The following DENND2B variants were observed in gnomAD, a reference collection of about 807,000 sequenced individuals.
DENND2B encodes DENN domain-containing protein 2B.
Under a neutral mutation model 116.0 loss-of-function variants are expected in DENND2B, and 32 were observed. The ratio of observed to expected loss-of-function variants is 0.28; its 90% CI spans 0.21 to 0.37. The LOEUF (loss-of-function observed/expected upper bound fraction) is 0.37, where lower values mean the gene tolerates loss of function less well. Ranked by LOEUF, DENND2B falls within the 10% of genes least tolerant of loss-of-function variation. DENND2B has a pLI of 1.00. For missense variants in DENND2B, 1,276 were observed against 1,477.7 expected (o/e 0.86, Z 2.24); for synonymous variants, 588 against 583.9 (o/e 1.01, Z -0.10).
intron 4 of DENND2B, 83 bp from the exon 5 acceptor site, chr11:8,717,975 A>C: frequency 6.6e-7 from 1 of 1,505,340 alleles, no homozygotes; most frequent in Non-Finnish European, 9.0e-7. Context: ...AAACAAGCAG[A>C]ATTCCTGTGA....
intron 3 of DENND2B, among the ~76,000 whole-genome samples, chr11:8,729,696 C>A (rs531480777): frequency 6.7e-4 from 102 of 152,320 alleles, no homozygotes; most frequent in African/African-American, 2.4e-3. Context: ...AAAGGCCAAA[C>A]CCAGCCAATA....
chr11:8,892,325 C>T (rs2064044344), intron 1 of DENND2B, among the ~76,000 whole-genome samples: 1 of 152,060 alleles, frequency 6.6e-6, no homozygotes, highest in South Asian at 2.1e-4. Flanking sequence ...CCTAACATCA[C>T]AATTAAAAGA....
rs988515212 is a variant in DENND2B at position 8,717,836 on chromosome 11, C to T, written c.1534G>A (p.Gly512Arg). ...TCAGACAGTTGCTGGGATTTTCGTC[C>T]TGCTCTTCGGCTCTTTAAGTCCACA... ...EDVDLKSRRA[G>R]RKSQQLSENS... Residue 512 changes from glycine to arginine, a missense_variant, in exon 5 of 20, where the codon GGA (glycine) becomes AGA (arginine). Around this residue, in one of 2 missense-constraint regions of DENND2B, gnomAD observed 856 missense variants for 846.6 expected, o/e 1.01. Coordinates refer to ENST00000313726, the MANE Select transcript of DENND2B (RefSeq NM_213618.2). The T allele has an allele frequency of 1.2e-6, 2 of 1,613,404 alleles. No homozygotes were observed. Among genetic ancestry groups the T allele is most frequent in the Non-Finnish European group, 1.7e-6 (2 of 1,179,594 alleles).
At chr11:8,899,777 T>C (rs1403605160) in intron 1 of DENND2B, among the ~76,000 whole-genome samples, 1 of 152,190 alleles carries the variant, frequency 6.6e-6, no homozygotes, top group Non-Finnish European at 1.5e-5. Flanking sequence ...ACATCAGAAA[T>C]AGTAAATATA....
intron 1 of DENND2B, among the ~76,000 whole-genome samples, chr11:8,766,063 T>C (rs954155466): frequency 2.0e-5 from 3 of 151,866 alleles, no homozygotes; most frequent in Non-Finnish European, 4.4e-5. Flanking sequence ...AAAAGAAAAC[T>C]TAGGTATTTA....
intron 15 of DENND2B, 43 bp downstream of exon 15, chr11:8,699,170 C>T (rs1210781589): frequency 2.0e-6 from 3 of 1,526,986 alleles, no homozygotes; most frequent in South Asian, 1.3e-5. Flanking sequence ...GCACCTGCTT[C>T]CCCCTCCACC....
At chr11:8,768,530 A>G (rs745561987) in intron 1 of DENND2B, among the ~76,000 whole-genome samples, 1 of 152,154 alleles carries the variant, frequency 6.6e-6, no homozygotes, top group Non-Finnish European at 1.5e-5. Context: ...GGTATGAGCA[A>G]CCGTGCCTGG....
chr11:8,823,903 CTTTTT>C (rs71059183), intron 4 of DENND2B, among the ~76,000 whole-genome samples: 4 of 123,074 alleles, frequency 3.3e-5, no homozygotes, highest in Admixed American at 2.6e-4. Context: ...TCTTCTTCTT[CTTTTT>C]TTTTTTTTTT....
intron 3 of DENND2B, among the ~76,000 whole-genome samples, chr11:8,843,992 T>C (rs1207919459): frequency 2.0e-5 from 3 of 152,280 alleles, no homozygotes; most frequent in Non-Finnish European, 4.4e-5. Flanking sequence ...CTGTTTATCT[T>C]ATGTGCCCTA....
intron 2 of DENND2B, among the ~76,000 whole-genome samples, chr11:8,862,956 A>G (rs983222089): frequency 1.3e-5 from 2 of 152,102 alleles, no homozygotes; most frequent in African/African-American, 4.8e-5. Context: ...TGAAATAGAC[A>G]AAGGCTGCTA....
chr11:8,740,673 GGCTCAGTGTCCAAAAT>G (rs1281070906), intron 2 of DENND2B, among the ~76,000 whole-genome samples: 7 of 152,114 alleles, frequency 4.6e-5, no homozygotes, highest in African/African-American at 1.4e-4. Flanking sequence ...GGTTATACAG[GGCTCAGTGTCCAAAAT>G]GCTTCCATCC....
intron 4 of DENND2B, among the ~76,000 whole-genome samples, chr11:8,827,555 G>A (rs928307685): frequency 1.6e-4 from 25 of 152,176 alleles, no homozygotes; most frequent in African/African-American, 5.3e-4. Flanking sequence ...GGGAAAATTT[G>A]GCAAGATGAG....
intron 4 of DENND2B, among the ~76,000 whole-genome samples, chr11:8,827,957 A>C (rs1269014958): frequency 6.6e-6 from 1 of 152,050 alleles, no homozygotes; most frequent in Non-Finnish European, 1.5e-5. Flanking sequence ...ATTGCACCAG[A>C]CTGGAGGTGG....
chr11:8,870,659 C>T (rs971326936), intron 2 of DENND2B, among the ~76,000 whole-genome samples: 1 of 152,008 alleles, frequency 6.6e-6, no homozygotes, highest in Non-Finnish European at 1.5e-5. Context: ...ATCGGGTCTC[C>T]GCTCGGCACC....
intron 6 of DENND2B, 198 bp downstream of exon 6, chr11:8,715,405 G>C: frequency 1.7e-6 from 1 of 603,140 alleles, no homozygotes; most frequent in South Asian, 2.0e-5. Context: ...ACCAAGGTCA[G>C]TTAATGCATC....
intron 4 of DENND2B, among the ~76,000 whole-genome samples, chr11:8,823,845 T>G (rs537462694): frequency 5.9e-5 from 9 of 152,098 alleles, no homozygotes; most frequent in Non-Finnish European, 1.2e-4. Flanking sequence ...TCATGGTACA[T>G]GAACCCTTTT....
chr11:8,714,151 G>C (rs2044292106), intron 7 of DENND2B, 109 bp from the exon 8 acceptor site: 6 of 1,115,884 alleles, frequency 5.4e-6, no homozygotes, highest in Non-Finnish European at 8.0e-6. Flanking sequence ...ACCTTCTCTG[G>C]GCTACTCTGG....
At chr11:8,760,834 T>C (rs1383215071) in intron 1 of DENND2B, among the ~76,000 whole-genome samples, 1 of 152,136 alleles carries the variant, frequency 6.6e-6, no homozygotes, top group Non-Finnish European at 1.5e-5. Flanking sequence ...GAACCAACAT[T>C]TGTTTTGCTG....
At chr11:8,745,792 G>A (rs980344405) in intron 2 of DENND2B, among the ~76,000 whole-genome samples, 11 of 152,158 alleles carry the variant, frequency 7.2e-5, no homozygotes, top group African/African-American at 1.4e-4. Context: ...TGGAGGTGAC[G>A]TGCAGGTGTT....
Sources: allele counts gnomAD v4.1 joint callset (sites outside exome capture counted in the v4.1 genomes callset), GRCh38; gene constraint gnomAD v4.1.1; regional missense constraint gnomAD v4.1.1; transcripts MANE v1.5; gene names NCBI Gene and HGNC (gene_info 2026-07-23, HGNC 2026-07-21).